Variants in LRFN5 observed in about 807,000 individuals in gnomAD.
LRFN5 encodes leucine rich repeat and fibronectin type III domain containing 5.
A neutral mutation model predicts 45.6 loss-of-function variants in LRFN5; 24 were observed. The observed-to-expected ratio is 0.53, with a 90% confidence interval of 0.38 to 0.74. The LOEUF (loss-of-function observed/expected upper bound fraction) is 0.74, where lower values mean the gene tolerates loss of function less well. Ranked by LOEUF, LRFN5 falls within the 30% of genes least tolerant of loss-of-function variation. The probability of loss-of-function intolerance (pLI) is 0.00; values close to 1 mark genes in which losing one functional copy is unlikely to be tolerated. For missense variants in LRFN5, 776 were observed against 861.5 expected (o/e 0.90, Z 1.24); for synonymous variants, 340 against 313.8 (o/e 1.08, Z -0.88).
chr14:41,649,129 A>G (rs923595658), intron 1 of LRFN5, among the ~76,000 whole-genome samples: 27 of 151,972 alleles, frequency 1.8e-4, no homozygotes, highest in African/African-American at 6.5e-4. Context: ...AGCTACTCGG[A>G]AGGCTGAGGT....
At chr14:41,795,029 A>G (rs1040475716) in intron 2 of LRFN5, among the ~76,000 whole-genome samples, 1 of 152,014 alleles carries the variant, frequency 6.6e-6, no homozygotes, top group Non-Finnish European at 1.5e-5. Context: ...TATGTTTGGT[A>G]TATATACTAT....
chr14:41,765,558 T>A (rs1398023883), intron 1 of LRFN5, among the ~76,000 whole-genome samples: 1 of 152,208 alleles, frequency 6.6e-6, no homozygotes, highest in South Asian at 2.1e-4. Context: ...GTCATGCATA[T>A]ATGAATGTGA....
At chr14:41,761,272 GAGAA>G (rs1480414398) in intron 1 of LRFN5, among the ~76,000 whole-genome samples, 2 of 151,268 alleles carry the variant, frequency 1.3e-5, no homozygotes, top group Non-Finnish European at 3.0e-5. Flanking sequence ...AGGGAGGCAG[GAGAA>G]AGAGAGGAAG....
chr14:41,808,408 A>AAGG lies in LRFN5; in HGVS notation c.-21+41380_-21+41381insGGA, dbSNP rs1566456458. Reference sequence around the variant, plus strand: ...GAAGGAAGGAAAGGAAGAAAGGAAGAAAGGAAGGAAGGAAGGAAGGAAGAA... The same window carrying AAGG: ...GAAGGAAGGAAAGGAAGAAAGGAAGAAGGAAGGAAGGAAGGAAGGAAGGAAGAA... On this transcript the variant is annotated intron_variant, in intron 2 of 5. Coordinates refer to ENST00000298119, the MANE Select transcript of LRFN5 (RefSeq NM_152447.5). Among the ~76,000 whole-genome samples, 25 of 20,608 alleles carry AAGG rather than the reference A, an allele frequency of 1.2e-3. 2 individuals carry two copies. The highest frequency in any genetic ancestry group is 3.9e-3 in the African/African-American group (22 of 5,588). The allele number at this position is 20,608 out of a possible 152,430, so 13.5% of individuals were successfully genotyped here. A position where few individuals can be genotyped will look rare whatever the true frequency, so the allele number is the denominator to read the frequency against.
At position 41,880,776 on chromosome 14, in the gene LRFN5, T is replaced by C. The variant is rs1011807187; in HGVS notation, c.-20-5830T>C. Among the ~76,000 whole-genome samples, 59 of 152,194 alleles carry C rather than the reference T, an allele frequency of 3.9e-4. 2 individuals are homozygous for C. Among genetic ancestry groups the C allele is most frequent in the Non-Finnish European group, 1.9e-4 (13 of 68,024 alleles). The stretch of plus-strand genomic sequence containing the variant: ...GATTTAAAAAAAATTCCCTTTTTCC[T>C]ATCGTGTCATTTCATGTGTTTTGAA... On this transcript the variant is annotated intron_variant, in intron 2 of 5. Transcript: ENST00000298119.
chr14:41,856,675 A>ATTATT lies in LRFN5; in HGVS notation c.-20-29929_-20-29928insATTTT. ...TTCTTTCCTAATTATTATTATTATTATTTTTTTTTTTTTTTTTTTGAGACG... is the reference window on the plus strand; with the variant it reads ...TTCTTTCCTAATTATTATTATTATTATTATTTTTTTTTTTTTTTTTTTTTGAGACG... On this transcript the variant is annotated intron_variant, in intron 2 of 5. Coordinates refer to ENST00000298119, the MANE Select transcript of LRFN5 (RefSeq NM_152447.5). Among the ~76,000 whole-genome samples the ATTATT allele has an allele frequency of 4.7e-3, 86 of 18,336 alleles. 5 individuals are homozygous for ATTATT. The highest frequency in any genetic ancestry group is 0.071 in the Middle Eastern group (1 of 14). 12.0% of individuals were successfully genotyped at this position (18,336 alleles called of 152,430 possible).
intron 1 of LRFN5, among the ~76,000 whole-genome samples, chr14:41,662,765 CA>C (rs1381440891): frequency 7.9e-5 from 12 of 152,018 alleles, no homozygotes; most frequent in African/African-American, 1.9e-4. Context: ...GGAGTGCTGA[CA>C]ACTGCTTCAC....
chr14:41,628,767 A>G lies in LRFN5; in HGVS notation c.-197+20205A>G, dbSNP rs145086156. On this transcript the variant is annotated intron_variant, in intron 1 of 5. Coordinates refer to ENST00000298119, the MANE Select transcript of LRFN5 (RefSeq NM_152447.5). ...TCTGATATGGATAGTAGCATTGAAG[A>G]TATAGAGTGGATTTGCACGTGTGGG... Among the ~76,000 whole-genome samples the G allele has an allele frequency of 2.2e-3, 340 of 152,264 alleles. 1 individual carries two copies. Among genetic ancestry groups the G allele is most frequent in the African/African-American group, 7.7e-3 (321 of 41,562 alleles).
At chr14:41,808,202 GGAAGGAA>G in intron 2 of LRFN5, among the ~76,000 whole-genome samples, 1 of 62,916 alleles carries the variant, frequency 1.6e-5, no homozygotes, top group Non-Finnish European at 3.6e-5. Context: ...GTAGAGGGAA[GGAAGGAA>G]GGAAGGAAGG....
At chr14:41,637,332 A>C (rs1056555142) in intron 1 of LRFN5, among the ~76,000 whole-genome samples, 1 of 152,108 alleles carries the variant, frequency 6.6e-6, no homozygotes, top group Non-Finnish European at 1.5e-5. Flanking sequence ...GTATGTTCAA[A>C]TATATCATTT....
At chr14:41,646,754 A>G (rs1879835448) in intron 1 of LRFN5, among the ~76,000 whole-genome samples, 3 of 152,174 alleles carry the variant, frequency 2.0e-5, no homozygotes, top group Admixed American at 1.3e-4. Context: ...CACTGGTACT[A>G]AGGGGATCTC....
chr14:41,634,766 G>T (rs1888673438), intron 1 of LRFN5, among the ~76,000 whole-genome samples: 1 of 152,052 alleles, frequency 6.6e-6, no homozygotes, highest in African/African-American at 2.4e-5. Flanking sequence ...ATCATTTTCA[G>T]TTTTGATTCC....
intron 1 of LRFN5, among the ~76,000 whole-genome samples, chr14:41,759,448 T>TACAC (rs569216156): frequency 2.1e-3 from 234 of 109,706 alleles, no homozygotes; most frequent in African/African-American, 6.6e-3. Flanking sequence ...TCTCTCTCTC[T>TACAC]ACACACACAC....
intron 2 of LRFN5, among the ~76,000 whole-genome samples, chr14:41,811,431 A>G (rs965368675): frequency 2.6e-5 from 4 of 152,112 alleles, no homozygotes; most frequent in African/African-American, 7.2e-5. Flanking sequence ...TACATACTCA[A>G]GAGAGGTGAA....
At chr14:41,685,304 C>G (rs897155577) in intron 1 of LRFN5, among the ~76,000 whole-genome samples, 6 of 152,052 alleles carry the variant, frequency 3.9e-5, no homozygotes, top group African/African-American at 1.2e-4. Flanking sequence ...GTTATATACA[C>G]AAAAGAAAGG....
intron 2 of LRFN5, among the ~76,000 whole-genome samples, chr14:41,881,856 A>G (rs1890391946): frequency 6.6e-6 from 1 of 152,234 alleles, no homozygotes; most frequent in Admixed American, 6.5e-5. Flanking sequence ...AAAATTACCC[A>G]TCAAATCATG....
chr14:41,801,609 T>C (rs1488681803), intron 2 of LRFN5, among the ~76,000 whole-genome samples: 1 of 152,202 alleles, frequency 6.6e-6, no homozygotes, highest in Non-Finnish European at 1.5e-5. Context: ...TTTACTTCTC[T>C]ACAAGAAGGA....
At chr14:41,798,379 T>C (rs546637384) in intron 2 of LRFN5, among the ~76,000 whole-genome samples, 2 of 151,974 alleles carry the variant, frequency 1.3e-5, no homozygotes, top group Non-Finnish European at 2.9e-5. Context: ...CTTCTGTTTT[T>C]CCTCTCTAGA....
intron 1 of LRFN5, among the ~76,000 whole-genome samples, chr14:41,645,385 C>A (rs1879768986): frequency 6.6e-6 from 1 of 152,150 alleles, no homozygotes; most frequent in Non-Finnish European, 1.5e-5. Context: ...CAAGCGTGCA[C>A]CACCACACCC....
Sources: allele counts gnomAD v4.1 joint callset (sites outside exome capture counted in the v4.1 genomes callset), GRCh38; gene constraint gnomAD v4.1.1; transcripts MANE v1.5; gene names NCBI Gene and HGNC (gene_info 2026-07-23, HGNC 2026-07-21).